HIPK2: variants seen among roughly 807,000 people sequenced by gnomAD.
The protein encoded by HIPK2 is homeodomain-interacting protein kinase 2.
HIPK2 carries 27 observed loss-of-function variants against 113.7 expected under a neutral mutation model. That is an observed-to-expected ratio of 0.24 (90% CI 0.17 to 0.33). HIPK2 has a LOEUF of 0.33. Among genes scored for constraint, HIPK2 ranks in the 10% least tolerant of loss-of-function variants. The pLI, the probability that HIPK2 is intolerant of heterozygous loss-of-function variation, is 1.00. For synonymous variants in HIPK2, 631 were observed against 642.2 expected, an observed-to-expected ratio of 0.98 and a Z score of 0.26; for missense variants, 1,257 against 1,588.0, an observed-to-expected ratio of 0.79 and a Z score of 3.54.
At chr7:139,606,152 G>A (rs1256340322) in intron 9 of HIPK2, among the ~76,000 whole-genome samples, 2 of 152,122 alleles carry the variant, frequency 1.3e-5, no homozygotes, top group Non-Finnish European at 2.9e-5. Flanking sequence ...TTGTGACAAC[G>A]CTTCATCAGA....
At chr7:139,719,876 G>T (rs887928104) in intron 1 of HIPK2, among the ~76,000 whole-genome samples, 1 of 152,104 alleles carries the variant, frequency 6.6e-6, no homozygotes, top group African/African-American at 2.4e-5. Flanking sequence ...TCATCTACCT[G>T]AGCACTCTGT....
chr7:139,655,897 G>A (rs1199585467), intron 2 of HIPK2, among the ~76,000 whole-genome samples: 1 of 152,086 alleles, frequency 6.6e-6, no homozygotes, highest in Non-Finnish European at 1.5e-5. Flanking sequence ...GAGGAGACTC[G>A]TGCCAGGGAA....
chr7:139,572,894 T>TACCAA lies in HIPK2; in HGVS notation c.*32_*33insTTGGT. 11 of 554,274 alleles carry TACCAA rather than the reference T, an allele frequency of 2.0e-5. No individual in the cohort carries two copies. Among genetic ancestry groups the TACCAA allele is most frequent in the Non-Finnish European group, 3.3e-5 (10 of 302,508 alleles). The allele number at this position is 554,274 out of a possible 1,614,324, so 34.3% of individuals were successfully genotyped here. A position where few individuals can be genotyped will look rare whatever the true frequency, so the allele number is the denominator to read the frequency against. ...CTCCCTCCTCCCTCGGGCCATTCTC[T>TACCAA]CCCTCCCTCCCTCCCTCCCTCCCCT... is the stretch of plus-strand genomic sequence containing the variant. On this transcript the variant is annotated 3_prime_UTR_variant, in exon 15 of 15. Transcript: ENST00000406875.
At position 139,596,743 on chromosome 7, in the gene HIPK2, C is replaced by T. The variant is rs1799228573; in HGVS notation, c.2691G>A (p.Glu897=). The part of the protein sequence containing the change: ...VITISSDTDE[E]EEQKHAPTST... ...TGGTGGGGGCGTGTTTCTGTTCCTC[C>T]TCCTCGTCCGTGTCACTGCTGATGG... Residue 897 remains glutamate, a synonymous_variant, in exon 12 of 15, where the codon GAG becomes GAA. Coordinates refer to ENST00000406875, the MANE Select transcript of HIPK2 (RefSeq NM_022740.5). 1.2e-6 allele frequency: 2 copies of T among 1,612,530 alleles called. No homozygotes were observed. Among genetic ancestry groups the T allele is most frequent in the Admixed American group, 1.7e-5 (1 of 59,998 alleles).
intron 2 of HIPK2, among the ~76,000 whole-genome samples, chr7:139,638,984 C>T (rs1328773163): frequency 2.6e-5 from 4 of 152,156 alleles, no homozygotes; most frequent in South Asian, 2.1e-4. Context: ...CACACAAATA[C>T]GTTTGCATAT....
At chr7:139,703,600 G>A (rs1322600796) in intron 2 of HIPK2, among the ~76,000 whole-genome samples, 1 of 151,840 alleles carries the variant, frequency 6.6e-6, no homozygotes, top group Admixed American at 6.6e-5. Flanking sequence ...GGACGAGGAA[G>A]GAGCTCTAAA....
At chr7:139,699,623 C>T (rs951172432) in intron 2 of HIPK2, among the ~76,000 whole-genome samples, 23 of 152,208 alleles carry the variant, frequency 1.5e-4, no homozygotes, top group African/African-American at 5.3e-4. Context: ...GTGGAGCTGG[C>T]ATAGGTCCCT....
intron 8 of HIPK2, 119 bp downstream of exon 8, chr7:139,614,167 G>A: frequency 3.0e-6 from 3 of 991,604 alleles, no homozygotes; most frequent in Non-Finnish European, 4.1e-6. Flanking sequence ...CGCTCTCACT[G>A]GAAGAAATGA....
chr7:139,761,464 A>C (rs1176700284), intron 1 of HIPK2, among the ~76,000 whole-genome samples: 4 of 152,228 alleles, frequency 2.6e-5, no homozygotes, highest in African/African-American at 9.6e-5. Flanking sequence ...TGAGTGAAGC[A>C]CACTGAATTA....
At chr7:139,573,440 A>G in intron 14 of HIPK2, 43 bp from the exon 15 acceptor site, 2 of 1,571,820 alleles carry the variant, frequency 1.3e-6, no homozygotes, top group African/African-American at 1.3e-5. Context: ...GGGCCGACAC[A>G]TGGGGAGGAA....
chr7:139,710,309 T>C (rs1004513002), intron 2 of HIPK2, among the ~76,000 whole-genome samples: 3 of 152,152 alleles, frequency 2.0e-5, no homozygotes, highest in African/African-American at 4.8e-5. Flanking sequence ...ATTTCTCCCA[T>C]CTTCCCTTAT....
At chr7:139,764,464 T>C (rs1796520692) in intron 1 of HIPK2, among the ~76,000 whole-genome samples, 1 of 152,212 alleles carries the variant, frequency 6.6e-6, no homozygotes, top group Non-Finnish European at 1.5e-5. Context: ...AAGTCAAGGA[T>C]GACTCTGGGT....
At chr7:139,604,877 G>A (rs1284245090) in intron 9 of HIPK2, among the ~76,000 whole-genome samples, 2 of 152,160 alleles carry the variant, frequency 1.3e-5, no homozygotes, top group African/African-American at 2.4e-5. Flanking sequence ...ACTATGTACA[G>A]GGGATTAGGG....
chr7:139,682,998 C>T (rs562348495), intron 2 of HIPK2, among the ~76,000 whole-genome samples: 114 of 152,290 alleles, frequency 7.5e-4, no homozygotes, highest in African/African-American at 2.6e-3. Context: ...GACAGAGCAG[C>T]AAGAACCAGA....
rs1232240802 is a variant in HIPK2 at position 139,613,600 on chromosome 7, A to G, written c.1991-277T>C. Among the ~76,000 whole-genome samples the G allele has an allele frequency of 1.3e-5, 2 of 152,262 alleles. No individual in the cohort carries two copies. The highest frequency in any genetic ancestry group is 4.8e-5 in the African/African-American group (2 of 41,474). On this transcript the variant is annotated intron_variant, in intron 8 of 14. Transcript: ENST00000406875. This position sits in a 1 kb window ranked among gnomAD's most constrained non-coding sequence, Gnocchi z 4.2. ...AGTAGGACAGATATGCTCGCAGATT[A>G]CAACAGGAAAACAAGGGCTTCTGAC...
intron 11 of HIPK2, among the ~76,000 whole-genome samples, chr7:139,599,930 A>G (rs1799359155): frequency 6.6e-6 from 1 of 152,028 alleles, no homozygotes; most frequent in South Asian, 2.1e-4. Context: ...GCAAGAACCC[A>G]CCATCCCTGA....
intron 2 of HIPK2, among the ~76,000 whole-genome samples, chr7:139,712,460 G>A (rs932867586): frequency 6.6e-6 from 1 of 152,206 alleles, no homozygotes; most frequent in Non-Finnish European, 1.5e-5. Context: ...CAGATGTCCT[G>A]GGACGATAAT....
chr7:139,730,155 A>G lies in HIPK2; in HGVS notation c.20-13140T>C, dbSNP rs1319594928. On this transcript the variant is annotated intron_variant, in intron 1 of 14. Transcript: ENST00000406875. ...AGCAAGAGTGAATTTGTTAGCCTTA[A>G]ATGTCTGGTACTATGTTGGTAAAGT... Among the ~76,000 whole-genome samples the G allele has an allele frequency of 3.3e-5, 5 of 152,274 alleles. No homozygotes were observed. In the East Asian group the frequency reaches 9.6e-4, roughly 29 times the overall value.
intron 1 of HIPK2, among the ~76,000 whole-genome samples, chr7:139,746,193 C>T (rs1796186702): frequency 6.6e-6 from 1 of 152,214 alleles, no homozygotes; most frequent in Non-Finnish European, 1.5e-5. Context: ...AAACCTGTGA[C>T]CTGGAACTTG....
Sources: gnomAD v4.1 joint callset for allele counts (sites outside exome capture counted in the v4.1 genomes callset) on GRCh38, gnomAD v4.1.1 for gene constraint, Gnocchi (gnomAD v3.1) non-coding constraint, MANE v1.5 for transcripts, NCBI Gene and HGNC (gene_info 2026-07-23, HGNC 2026-07-21) for gene names.